The following MBTPS1 variants were observed in gnomAD, a reference collection of about 807,000 sequenced individuals.
MBTPS1 encodes the protein membrane-bound transcription factor site-1 protease.
MBTPS1 carries 94 observed loss-of-function variants against 127.8 expected under a neutral mutation model. The observed-to-expected ratio is 0.74, with a 90% CI of 0.62 to 0.87. MBTPS1 has a LOEUF of 0.87. Among genes scored for constraint, MBTPS1 ranks in the 40% least tolerant of loss-of-function variants. MBTPS1 has a pLI of 0.00. For missense variants in MBTPS1, 1,636 were observed against 1,353.2 expected (o/e 1.21, Z -3.28); for synonymous variants, 632 against 509.4 (o/e 1.24, Z -3.24).
chr16:84,091,659 G>A, intron 7 of MBTPS1, 73 bp downstream of exon 7: 1 of 982,570 alleles, frequency 1.0e-6, no homozygotes, highest in Non-Finnish European at 1.7e-6. Flanking sequence ...CAACACACTA[G>A]ATATGATGCA....
intron 18 of MBTPS1, among the ~76,000 whole-genome samples, chr16:84,064,568 A>G (rs1186718042): frequency 1.3e-5 from 2 of 152,162 alleles, no homozygotes; most frequent in Non-Finnish European, 2.9e-5. Flanking sequence ...CCTTAAATCT[A>G]CTTCTGATTC....
chr16:84,063,193 A>C (rs779283748), intron 19 of MBTPS1, 112 bp downstream of exon 19: 35 of 1,142,314 alleles, frequency 3.1e-5, no homozygotes, highest in Non-Finnish European at 3.5e-5. Flanking sequence ...AGCCTGGCTC[A>C]AGTGAACAGA....
At chr16:84,062,462 C>T (rs1042281397) in intron 19 of MBTPS1, among the ~76,000 whole-genome samples, 14 of 152,150 alleles carry the variant, frequency 9.2e-5, no homozygotes, top group African/African-American at 3.1e-4. Flanking sequence ...TAGGGATTTA[C>T]ATAAATGCCA....
At chr16:84,107,626 G>C (rs1224716102) in intron 1 of MBTPS1, among the ~76,000 whole-genome samples, 1 of 152,018 alleles carries the variant, frequency 6.6e-6, no homozygotes, top group Non-Finnish European at 1.5e-5. Context: ...GCCATAACGG[G>C]GGCAAGAGAC....
chr16:84,082,681 T>C (rs1466912694), intron 10 of MBTPS1, among the ~76,000 whole-genome samples: 2 of 152,182 alleles, frequency 1.3e-5, no homozygotes, highest in Non-Finnish European at 2.9e-5. Context: ...TTCCTAAATA[T>C]TCGTATGTGA....
intron 21 of MBTPS1, 107 bp from the exon 22 acceptor site, chr16:84,056,242 G>T: frequency 3.2e-6 from 3 of 947,388 alleles, no homozygotes; most frequent in Non-Finnish European, 4.7e-6. Flanking sequence ...TGATCTACGG[G>T]GAGATGTGAA....
chr16:84,066,943 C>T (rs1266823335), intron 16 of MBTPS1, among the ~76,000 whole-genome samples: 3 of 152,108 alleles, frequency 2.0e-5, no homozygotes, highest in Admixed American at 2.0e-4. Context: ...TGTTCAGTCA[C>T]AGATTCTAAA....
chr16:84,073,815 G>A (rs758517528), intron 12 of MBTPS1, among the ~76,000 whole-genome samples: 1 of 152,046 alleles, frequency 6.6e-6, no homozygotes, highest in Non-Finnish European at 1.5e-5. Flanking sequence ...GACCAGCCTG[G>A]CCAACATGGT....
At chr16:84,056,233 G>T in intron 21 of MBTPS1, 98 bp from the exon 22 acceptor site, 2 of 990,992 alleles carry the variant, frequency 2.0e-6, no homozygotes, top group Non-Finnish European at 3.0e-6. Context: ...CAGAGCAAGT[G>T]ATCTACGGGG....
At position 84,095,655 on chromosome 16, in the gene MBTPS1, C is replaced by T. The variant is rs1299185020; in HGVS notation, c.572G>A (p.Arg191His). ...SSRRLLRAIP[R>H]QVAQTLQADV... Reference sequence around the variant, plus strand: ...TGCCTGCAGTGTCTGGGCAACCTGGCGCGGGATGGCTCTCAGCAGCCGTCT... The same window carrying T: ...TGCCTGCAGTGTCTGGGCAACCTGGTGCGGGATGGCTCTCAGCAGCCGTCT... The change falls in exon 4 of 23, where the codon CGC (arginine) becomes CAC (histidine). Residue 191 changes from arginine to histidine, a missense_variant. Physicochemically the swap from Arg to His is conservative, Grantham distance 29. Transcript: ENST00000343411. The T allele has an allele frequency of 3.1e-6, 5 of 1,614,194 alleles. No homozygotes were observed. The highest frequency in any genetic ancestry group is 1.7e-4 in the Middle Eastern group (1 of 6,060).
chr16:84,066,710 C>CA, intron 16 of MBTPS1, 97 bp from the exon 17 acceptor site: 1 of 1,224,674 alleles, frequency 8.2e-7, no homozygotes, highest in Non-Finnish European at 1.1e-6. Context: ...TCTCCTGCCA[C>CA]AATCCAGTCC....
chr16:84,077,250 AGAG>A (rs1232392323), intron 11 of MBTPS1, among the ~76,000 whole-genome samples: 109 of 76,694 alleles, frequency 1.4e-3, no homozygotes, highest in African/African-American at 3.8e-3. Flanking sequence ...AAAAAAAAAA[AGAG>A]AGAGAGAAAA....
intron 18 of MBTPS1, among the ~76,000 whole-genome samples, chr16:84,064,127 A>G (rs957025432): frequency 6.6e-6 from 1 of 152,092 alleles, no homozygotes; most frequent in Non-Finnish European, 1.5e-5. Flanking sequence ...CAGATAATCT[A>G]GGAGTCTCTG....
intron 8 of MBTPS1, among the ~76,000 whole-genome samples, chr16:84,090,170 T>C (rs2086083906): frequency 6.6e-6 from 1 of 152,170 alleles, no homozygotes; most frequent in Admixed American, 6.5e-5. Context: ...TACAGAAACT[T>C]CGAGCACAAG....
At chr16:84,067,943 T>A in intron 15 of MBTPS1, 120 bp from the exon 16 acceptor site, 1 of 907,012 alleles carries the variant, frequency 1.1e-6, no homozygotes, top group Non-Finnish European at 1.7e-6. Flanking sequence ...GTCTGGTTTG[T>A]GCCACCCTGT....
intron 21 of MBTPS1, 186 bp from the exon 22 acceptor site, chr16:84,056,321 A>C (rs2085521383): frequency 3.7e-6 from 2 of 538,942 alleles, no homozygotes; most frequent in Non-Finnish European, 6.6e-6. Flanking sequence ...CCACGTCCCG[A>C]GGGAGAAAGA....
intron 19 of MBTPS1, 68 bp downstream of exon 19, chr16:84,063,237 T>G (rs934974997): frequency 7.7e-6 from 12 of 1,557,334 alleles, no homozygotes; most frequent in African/African-American, 6.8e-5. Flanking sequence ...CACGGGCGCC[T>G]TTCCAGAGAC....
At chr16:84,106,344 A>G (rs1003583627) in intron 1 of MBTPS1, among the ~76,000 whole-genome samples, 1 of 152,126 alleles carries the variant, frequency 6.6e-6, no homozygotes, top group African/African-American at 2.4e-5. Context: ...GAAAAGGAAT[A>G]TGACAAGTCA....
At chr16:84,061,658 C>T (rs745954581) in intron 19 of MBTPS1, 1 of 152,378 alleles carries the variant, frequency 6.6e-6, no homozygotes, top group South Asian at 2.1e-4. Context: ...CGGCAGGGCC[C>T]TGACCACTGG....
Sources: allele counts gnomAD v4.1 joint callset (sites outside exome capture counted in the v4.1 genomes callset), GRCh38; gene constraint gnomAD v4.1.1; transcripts MANE v1.5; gene names NCBI Gene and HGNC (gene_info 2026-07-23, HGNC 2026-07-21).